ZDHHC14: variants seen among roughly 807,000 people sequenced by gnomAD.
The protein encoded by ZDHHC14 is zDHHC palmitoyltransferase 14.
Under a neutral mutation model 47.7 loss-of-function variants are expected in ZDHHC14, and 16 were observed. The observed-to-expected ratio is 0.34, with a 90% CI of 0.23 to 0.51. The LOEUF is 0.51. ZDHHC14 is among the 20% of genes least tolerant of loss of function. The pLI is 0.97. For synonymous variants in ZDHHC14, 293 were observed against 278.9 expected (o/e 1.05, Z -0.50); for missense variants, 515 against 662.5 (o/e 0.78, Z 2.44).
At chr6:157,535,151 C>T (rs973211628) in intron 1 of ZDHHC14, among the ~76,000 whole-genome samples, 5 of 152,100 alleles carry the variant, frequency 3.3e-5, no homozygotes, top group African/African-American at 9.7e-5. Flanking sequence ...GCCCCACGGG[C>T]AGAAGAGAGC....
At chr6:157,399,105 G>A (rs1281353972) in intron 1 of ZDHHC14, among the ~76,000 whole-genome samples, 1 of 152,228 alleles carries the variant, frequency 6.6e-6, no homozygotes. Context: ...AGTTAGCGGG[G>A]TGGATAAAAG....
chr6:157,518,005 T>G (rs1452698474), intron 1 of ZDHHC14, among the ~76,000 whole-genome samples: 1 of 152,130 alleles, frequency 6.6e-6, no homozygotes, highest in Non-Finnish European at 1.5e-5. Flanking sequence ...CCAGCCCCCG[T>G]GCATGGATGT....
intron 8 of ZDHHC14, among the ~76,000 whole-genome samples, chr6:157,669,204 G>A (rs770434807): frequency 2.6e-5 from 4 of 152,196 alleles, no homozygotes; most frequent in African/African-American, 9.7e-5. Flanking sequence ...CACCTTATCC[G>A]AGAAGGTTCT....
chr6:157,455,233 C>T (rs1439839184), intron 1 of ZDHHC14, among the ~76,000 whole-genome samples: 1 of 152,230 alleles, frequency 6.6e-6, no homozygotes, highest in African/African-American at 2.4e-5. Flanking sequence ...GTGATGAGCA[C>T]CTGCTGCAGA....
rs1329986749 is a variant in ZDHHC14 at position 157,645,840 on chromosome 6, G to A, written c.855+1G>A. 1.2e-6 allele frequency: 2 copies of A among 1,613,532 alleles called. No homozygotes were observed. The highest frequency in any genetic ancestry group is 1.1e-5 in the South Asian group (1 of 90,994). Reference sequence around the variant, plus strand: ...CTCCAACCAGACAACAAATGAGGACGTAAGTTCCTGACCACACGGGACACG... The same window carrying A: ...CTCCAACCAGACAACAAATGAGGACATAAGTTCCTGACCACACGGGACACG... On this transcript the variant is annotated splice_donor_variant, in intron 6 of 8. Coordinates refer to ENST00000359775, the MANE Select transcript of ZDHHC14 (RefSeq NM_024630.3). LOFTEE classifies it high-confidence loss of function.
intron 1 of ZDHHC14, among the ~76,000 whole-genome samples, chr6:157,400,212 G>A (rs1691054189): frequency 6.6e-6 from 1 of 152,170 alleles, no homozygotes; most frequent in South Asian, 2.1e-4. Flanking sequence ...GGGACAGAGG[G>A]ATAGAGCCAC....
At chr6:157,429,352 G>T (rs1403602873) in intron 1 of ZDHHC14, among the ~76,000 whole-genome samples, 1 of 152,128 alleles carries the variant, frequency 6.6e-6, no homozygotes, top group African/African-American at 2.4e-5. Context: ...TGAAACTTTT[G>T]TTTCAGTTTA....
intron 1 of ZDHHC14, among the ~76,000 whole-genome samples, chr6:157,520,725 C>A (rs1314937252): frequency 6.6e-6 from 1 of 152,176 alleles, no homozygotes; most frequent in Non-Finnish European, 1.5e-5. Context: ...ATTGAGATAA[C>A]AACCCAGTAG....
chr6:157,664,984 C>T (rs923805928), intron 8 of ZDHHC14, among the ~76,000 whole-genome samples: 1 of 152,170 alleles, frequency 6.6e-6, no homozygotes, highest in Non-Finnish European at 1.5e-5. Context: ...CCTCTGTTTT[C>T]TCTATAGCTG....
intron 2 of ZDHHC14, among the ~76,000 whole-genome samples, chr6:157,570,750 TACATAC>T (rs1207917528): frequency 3.6e-4 from 49 of 136,088 alleles, no homozygotes; most frequent in African/African-American, 1.6e-3. Flanking sequence ...TATATGTATA[TACATAC>T]ACACACACAC....
intron 1 of ZDHHC14, among the ~76,000 whole-genome samples, chr6:157,491,569 CTTCT>C (rs1452647048): frequency 2.6e-5 from 4 of 151,946 alleles, no homozygotes; most frequent in African/African-American, 7.2e-5. Context: ...TCGGTTTCTT[CTTCT>C]TTATTTATCA....
chr6:157,587,023 C>A (rs940333805), intron 2 of ZDHHC14, among the ~76,000 whole-genome samples: 5 of 152,318 alleles, frequency 3.3e-5, no homozygotes, highest in African/African-American at 1.2e-4. Flanking sequence ...CAGAACTAGG[C>A]TATTTAAATA....
intron 1 of ZDHHC14, among the ~76,000 whole-genome samples, chr6:157,541,734 C>T (rs1039721982): frequency 5.3e-5 from 8 of 152,202 alleles, no homozygotes; most frequent in Non-Finnish European, 7.3e-5. Context: ...AGAACTGCTC[C>T]AGCTCTAGAA....
intron 1 of ZDHHC14, among the ~76,000 whole-genome samples, chr6:157,434,857 C>A (rs1416345217): frequency 6.6e-6 from 1 of 152,154 alleles, no homozygotes; most frequent in Non-Finnish European, 1.5e-5. Flanking sequence ...CCTGGCGTGA[C>A]ATGTTTTGTA....
intron 1 of ZDHHC14, among the ~76,000 whole-genome samples, chr6:157,513,871 T>C (rs530939552): frequency 6.6e-6 from 1 of 152,164 alleles, no homozygotes; most frequent in South Asian, 2.1e-4. Flanking sequence ...GAAAGGAACT[T>C]AGAAATCAGC....
At chr6:157,605,046 G>A (rs576645041) in intron 3 of ZDHHC14, among the ~76,000 whole-genome samples, 4 of 152,298 alleles carry the variant, frequency 2.6e-5, no homozygotes, top group Admixed American at 6.5e-5. Context: ...GGCAATAAAC[G>A]TTTCACCAAA....
chr6:157,672,568 G>C (rs1385773651), intron 8 of ZDHHC14, among the ~76,000 whole-genome samples, 156 bp from the exon 9 acceptor site: 2 of 152,126 alleles, frequency 1.3e-5, no homozygotes, highest in East Asian at 3.9e-4. Flanking sequence ...CTGGACCACT[G>C]TAGGCGCTCC....
rs144345000 is a variant in ZDHHC14, at chr6:157,521,406, A to G, written c.246-21179A>G. On this transcript the variant is annotated intron_variant, in intron 1 of 8. Transcript: ENST00000359775. ...TCTGTCTTCGTCTGTTCAGGCATCT[A>G]TTACAACAAAATACCAGGCCGTGGG... 3.9e-5 allele frequency among the ~76,000 whole-genome samples: 6 copies of G among 152,320 alleles called. No individual in the cohort carries two copies. In the East Asian group the frequency reaches 1.2e-3, roughly 29 times the overall value.
chr6:157,421,874 C>T (rs1217889678), intron 1 of ZDHHC14, among the ~76,000 whole-genome samples: 1 of 152,294 alleles, frequency 6.6e-6, no homozygotes, highest in South Asian at 2.1e-4. Flanking sequence ...TCCCAAAGTG[C>T]TGGGATTACA....
Sources: allele counts gnomAD v4.1 joint callset (sites outside exome capture counted in the v4.1 genomes callset), GRCh38; gene constraint gnomAD v4.1.1; transcripts MANE v1.5; gene names NCBI Gene and HGNC (gene_info 2026-07-23, HGNC 2026-07-21).